Variants in ZNF775 observed in about 807,000 individuals in gnomAD.
ZNF775 encodes zinc finger protein 775.
A neutral mutation model predicts 2.4 loss-of-function variants in ZNF775; 1 was observed. The observed-to-expected ratio is 0.41, with a 90% CI of 0.15 to 1.94. The LOEUF (loss-of-function observed/expected upper bound fraction) is 1.94, where lower values mean the gene tolerates loss of function less well. Ranked by LOEUF, ZNF775 falls within the 30% of genes most tolerant of loss-of-function variation. The pLI is 0.30. For synonymous variants in ZNF775, 381 were observed against 373.3 expected (o/e 1.02, Z -0.24); for missense variants, 823 against 826.6 (o/e 1.00, Z 0.05).
At chr7:150,385,065 G>C (rs911917695) in intron 1 of ZNF775, among the ~76,000 whole-genome samples, 2 of 152,164 alleles carry the variant, frequency 1.3e-5, no homozygotes, top group African/African-American at 4.8e-5. Context: ...GTTGGTGAGA[G>C]GTTTCCCAAG....
At chr7:150,380,301 T>C (rs1311739489) in intron 1 of ZNF775, 1 of 152,280 alleles carries the variant, frequency 6.6e-6, no homozygotes, top group Non-Finnish European at 1.5e-5. Context: ...TGTTCCCTTA[T>C]GACAGTTTTT....
At chr7:150,387,296 A>C (rs1433233948) in intron 1 of ZNF775, among the ~76,000 whole-genome samples, 1 of 35,768 alleles carries the variant, frequency 2.8e-5, no homozygotes, top group East Asian at 5.1e-4. Flanking sequence ...ACTCTGTCTC[A>C]AAAAAAAAAA....
At chr7:150,389,553 T>A (rs1229054635) in intron 2 of ZNF775, among the ~76,000 whole-genome samples, 1 of 152,190 alleles carries the variant, frequency 6.6e-6, no homozygotes, top group African/African-American at 2.4e-5. Flanking sequence ...TCAGAGCACA[T>A]GTGCCCAGCG....
At position 150,398,258 on chromosome 7, in the gene ZNF775, A is replaced by C; in HGVS notation, c.*163A>C. ...TGAGAACAGTTCTAGAAGCGTCCCA[A>C]AGGGTGCTGGGAAAGGTCCCAGCGT... On this transcript the variant is annotated 3_prime_UTR_variant, in exon 3 of 3. Coordinates refer to ENST00000329630, the MANE Select transcript of ZNF775 (RefSeq NM_173680.4). The C allele has an allele frequency of 8.4e-7, 1 of 1,192,986 alleles. No individual in the cohort carries two copies. Among genetic ancestry groups the C allele is most frequent in the Non-Finnish European group, 1.1e-6 (1 of 886,960 alleles). 73.9% of individuals were successfully genotyped at this position (1,192,986 alleles called of 1,614,324 possible).
At chr7:150,393,091 T>C (rs1348094214) in intron 2 of ZNF775, among the ~76,000 whole-genome samples, 1 of 152,188 alleles carries the variant, frequency 6.6e-6, no homozygotes, top group Non-Finnish European at 1.5e-5. Context: ...TATAGTATCA[T>C]ACAGAATATT....
chr7:150,398,068 G>A lies in ZNF775; in HGVS notation c.1587G>A (p.Ala529=), dbSNP rs777701679. 9.6e-6 allele frequency: 15 copies of A among 1,560,932 alleles called. No homozygotes were observed. Among genetic ancestry groups the A allele is most frequent in the Non-Finnish European group, 1.3e-5 (15 of 1,157,904 alleles). ...AGCGCGTGCACCGCGCGGCCCCTGC[G>A]TGCAGCCCCAAGGAGGAGGCGCGCT... is the stretch of plus-strand genomic sequence containing the variant. The part of the protein sequence containing the change: ...KHQRVHRAAP[A]CSPKEEAR Residue 529 remains alanine (A), a synonymous_variant, in exon 3 of 3, where the codon GCG becomes GCA. Coordinates refer to ENST00000329630, the MANE Select transcript of ZNF775 (RefSeq NM_173680.4).
In ZNF775 at chr7:150,398,205, C is replaced by T. The variant is rs1367350558; in HGVS notation, c.*110C>T. ...CTCTTAGAACCCCTTAGAGCGGGACCGGTGGATTCCTTAAGGCTCTGAAGG... is the reference window on the plus strand; with the variant it reads ...CTCTTAGAACCCCTTAGAGCGGGACTGGTGGATTCCTTAAGGCTCTGAAGG... On this transcript the variant is annotated 3_prime_UTR_variant, in exon 3 of 3. Coordinates refer to ENST00000329630, the MANE Select transcript of ZNF775 (RefSeq NM_173680.4). The T allele has an allele frequency of 4.8e-6, 7 of 1,451,336 alleles. No homozygotes were observed. Among genetic ancestry groups the T allele is most frequent in the East Asian group, 5.0e-5 (2 of 40,108 alleles). The allele number at this position is 1,451,336 out of a possible 1,614,324, so 89.9% of individuals were successfully genotyped here.
Position 150,397,859 on chromosome 7 carries a change from G to A in ZNF775, c.1378G>A (p.Ala460Thr). 1.2e-6 allele frequency: 2 copies of A among 1,601,778 alleles called. No individual in the cohort carries two copies. Among genetic ancestry groups the A allele is most frequent in the South Asian group, 2.2e-5 (2 of 90,674 alleles). The change falls in exon 3 of 3, where the codon GCG becomes ACG. Residue 460 changes from alanine (A) to threonine (T), a missense_variant. Coordinates refer to ENST00000329630, the MANE Select transcript of ZNF775 (RefSeq NM_173680.4). ...CGGCAAGAGCTTCTCGTGGTGGTCG[G>A]CGCTCACCATCCACCAGCGCATCCA... The part of the protein sequence containing the change: ...ECGKSFSWWS[A>T]LTIHQRIHTG...
At position 150,396,518 on chromosome 7, in the gene ZNF775, G is replaced by T. The variant is rs1408653674; in HGVS notation, c.37G>T (p.Gly13Trp). The T allele has an allele frequency of 1.3e-6, 2 of 1,594,456 alleles. No individual in the cohort carries two copies. The highest frequency in any genetic ancestry group is 1.7e-6 in the Non-Finnish European group (2 of 1,172,936). ...SGLAGNGTGA[G>W]LVMKVKQEKP... ...CTCCCGCTTGCCTCTGGCAGGAGCT[G>T]GGCTGGTGATGAAGGTCAAGCAGGA... Residue 13 changes from glycine to tryptophan, a missense_variant, in exon 3 of 3, where the codon GGG becomes TGG. Gly to Trp is a radical substitution (Grantham distance 184, BLOSUM62 -2). Coordinates refer to ENST00000329630, the MANE Select transcript of ZNF775 (RefSeq NM_173680.4).
Position 150,384,553 on chromosome 7 carries a change from C to T in ZNF775, c.-49-3869C>T, listed in dbSNP as rs141983772. On this transcript the variant is annotated intron_variant, in intron 1 of 2. Transcript: ENST00000329630. This position sits in a 1 kb window ranked among gnomAD's most constrained non-coding sequence, Gnocchi z 4.1. ...TTTCCTGGATTTTGTCTGTAGGACA[C>T]CTGCTGTGCCATTTCCCAGACATAG... 7.9e-5 allele frequency among the ~76,000 whole-genome samples: 12 copies of T among 152,334 alleles called. No homozygotes were observed. The East Asian group carries it at 2.1e-3, about 27-fold the overall frequency.
chr7:150,393,852 T>G (rs1800603553), intron 2 of ZNF775, among the ~76,000 whole-genome samples: 1 of 152,130 alleles, frequency 6.6e-6, no homozygotes, highest in Non-Finnish European at 1.5e-5. Flanking sequence ...GTATTTTTAG[T>G]AGAGATGGGG....
intron 1 of ZNF775, among the ~76,000 whole-genome samples, chr7:150,383,555 A>C (rs911765488): frequency 1.3e-5 from 2 of 152,102 alleles, no homozygotes; most frequent in South Asian, 4.1e-4. Flanking sequence ...GGCTATAGAA[A>C]GGGGCAGCAT....
Position 150,384,260 on chromosome 7 carries a change from G to A in ZNF775, c.-49-4162G>A, listed in dbSNP as rs1031591997. Among the ~76,000 whole-genome samples the A allele has an allele frequency of 6.6e-6, 1 of 152,240 alleles. No homozygotes were observed. Among genetic ancestry groups the A allele is most frequent in the African/African-American group, 2.4e-5 (1 of 41,456 alleles). ...GGTAGGGGCCCGGGGGCCCTTGTGC[G>A]ATAGACAAAGCGGCCTTCCAAGACT... On this transcript the variant is annotated intron_variant, in intron 1 of 2. Transcript: ENST00000329630. The surrounding 1 kb of genome is among the most constrained non-coding windows in gnomAD (Gnocchi z 4.1).
At chr7:150,383,919 G>C (rs1324943733) in intron 1 of ZNF775, 5 of 152,584 alleles carry the variant, frequency 3.3e-5, no homozygotes, top group African/African-American at 9.6e-5. Context: ...TTTCTGGCCT[G>C]TGGCCTTTCT....
At chr7:150,392,734 A>G (rs1800581383) in intron 2 of ZNF775, among the ~76,000 whole-genome samples, 1 of 152,162 alleles carries the variant, frequency 6.6e-6, no homozygotes, top group Non-Finnish European at 1.5e-5. Flanking sequence ...AGGTGTTGCT[A>G]TGTTGCCTAG....
intron 1 of ZNF775, chr7:150,383,994 TGCCTCCCCCTGCCCCGG>T (rs1563256390): frequency 6.6e-6 from 1 of 152,622 alleles, no homozygotes; most frequent in Non-Finnish European, 1.5e-5. Context: ...GCTCCTTTGT[TGCCTCCCCCTGCCCCGG>T]GCCTCTCCAC....
In ZNF775 at chr7:150,396,579, A is replaced by G; in HGVS notation, c.98A>G (p.Gln33Arg). The change falls in exon 3 of 3, where the codon CAG (glutamine) becomes CGG (arginine). Residue 33 changes from glutamine to arginine, a missense_variant. Gln to Arg is a conservative substitution (Grantham distance 43, BLOSUM62 1). Transcript: ENST00000329630. ...PERLLQTLAP[Q>R]AMLVEKDKEN... ...CGGCTGCTGCAGACGCTGGCGCCGC[A>G]GGCCATGCTTGTGGAGAAGGACAAG... 6.2e-7 allele frequency: 1 copy of G among 1,607,560 alleles called. No individual in the cohort carries two copies. Among genetic ancestry groups the G allele is most frequent in the Non-Finnish European group, 8.5e-7 (1 of 1,178,324 alleles).
intron 1 of ZNF775, among the ~76,000 whole-genome samples, chr7:150,387,706 A>G (rs12538411): frequency 0.44 from 66,335 of 151,658 alleles, 14,820 homozygotes; most frequent in Admixed American, 0.5. Context: ...CCAGTTACTC[A>G]GGAGGCTGAG....
chr7:150,381,535 GTT>G (rs1393106710), intron 1 of ZNF775, among the ~76,000 whole-genome samples: 1 of 152,086 alleles, frequency 6.6e-6, no homozygotes, highest in Non-Finnish European at 1.5e-5. Flanking sequence ...CTCTCACACT[GTT>G]TGCGTCCCGC....
Sources: allele counts gnomAD v4.1 joint callset (sites outside exome capture counted in the v4.1 genomes callset), GRCh38; gene constraint gnomAD v4.1.1; non-coding constraint Gnocchi (gnomAD v3.1); transcripts MANE v1.5; gene names NCBI Gene and HGNC (gene_info 2026-07-23, HGNC 2026-07-21).